The following UBE2R2 variants were observed in gnomAD, a reference collection of about 807,000 sequenced individuals.
UBE2R2 encodes ubiquitin conjugating enzyme E2 R2, also known as ubiquitin-conjugating enzyme E2 R2.
Under a neutral mutation model 27.8 loss-of-function variants are expected in UBE2R2, and 1 was observed. That is an observed-to-expected ratio of 0.04 (90% CI 0.01 to 0.17). The LOEUF (loss-of-function observed/expected upper bound fraction) is 0.17. Ranked by LOEUF, UBE2R2 falls within the 10% of genes least tolerant of loss-of-function variation. The probability of loss-of-function intolerance (pLI) is 1.00; values close to 1 mark genes in which losing one functional copy is unlikely to be tolerated. For missense variants in UBE2R2, 100 were observed against 291.0 expected, an observed-to-expected ratio of 0.34 and a Z score of 4.78; for synonymous variants, 106 against 113.3, an observed-to-expected ratio of 0.94 and a Z score of 0.41.
At chr9:33,864,155 A>G (rs546718284) in intron 1 of UBE2R2, among the ~76,000 whole-genome samples, 1 of 152,238 alleles carries the variant, frequency 6.6e-6, no homozygotes, top group South Asian at 2.1e-4. Context: ...GCTGATGTTC[A>G]TATATGTAAG....
chr9:33,863,647 C>T (rs959347934), intron 1 of UBE2R2, among the ~76,000 whole-genome samples: 1 of 151,908 alleles, frequency 6.6e-6, no homozygotes, highest in African/African-American at 2.4e-5. Context: ...ATATTAAGGA[C>T]ATTCTAATAT....
intron 1 of UBE2R2, among the ~76,000 whole-genome samples, chr9:33,880,558 G>A (rs1387688037): frequency 1.3e-5 from 2 of 152,126 alleles, no homozygotes; most frequent in Non-Finnish European, 1.5e-5. Flanking sequence ...GTATGTCTTG[G>A]TGCGTGTTCT....
At chr9:33,817,959 C>G (rs748876310) in intron 1 of UBE2R2, 25 bp downstream of exon 1, 5 of 1,595,112 alleles carry the variant, frequency 3.1e-6, no homozygotes, top group Admixed American at 3.5e-5. Context: ...CTCCCGGACC[C>G]TGCTTCCGCG....
chr9:33,871,886 A>AT (rs1386083613), intron 1 of UBE2R2, among the ~76,000 whole-genome samples: 1 of 151,604 alleles, frequency 6.6e-6, no homozygotes, highest in Non-Finnish European at 1.5e-5. Flanking sequence ...AATTTTTTGT[A>AT]TTTTTTTAGT....
At chr9:33,839,242 T>G (rs1455650079) in intron 1 of UBE2R2, among the ~76,000 whole-genome samples, 1 of 152,148 alleles carries the variant, frequency 6.6e-6, no homozygotes, top group Non-Finnish European at 1.5e-5. Flanking sequence ...GTTTGTGTTT[T>G]TGTTTTTGTT....
intron 1 of UBE2R2, among the ~76,000 whole-genome samples, chr9:33,833,502 C>T (rs1218224944): frequency 2.0e-5 from 3 of 152,140 alleles, no homozygotes; most frequent in Non-Finnish European, 4.4e-5. Context: ...CTGATATGGT[C>T]GTTTCTTGTA....
At chr9:33,883,658 T>G (rs1468240567) in intron 1 of UBE2R2, among the ~76,000 whole-genome samples, 2 of 141,870 alleles carry the variant, frequency 1.4e-5, no homozygotes, top group Non-Finnish European at 3.0e-5. Flanking sequence ...GAGGTTGCAG[T>G]GAGCCGAGAT....
intron 1 of UBE2R2, among the ~76,000 whole-genome samples, chr9:33,827,680 A>G (rs564642024): frequency 6.6e-6 from 1 of 151,896 alleles, no homozygotes; most frequent in African/African-American, 2.4e-5. Context: ...TAAATTAAAA[A>G]TTAAATCAGG....
intron 1 of UBE2R2, among the ~76,000 whole-genome samples, chr9:33,882,340 G>A (rs1042626595): frequency 6.6e-6 from 1 of 152,162 alleles, no homozygotes; most frequent in Non-Finnish European, 1.5e-5. Context: ...AGGCTGGAGT[G>A]CAGTGGTGCG....
intron 1 of UBE2R2, among the ~76,000 whole-genome samples, chr9:33,818,472 G>A (rs1352510163): frequency 6.7e-6 from 1 of 150,160 alleles, no homozygotes; most frequent in African/African-American, 2.5e-5. Flanking sequence ...TTGGGTAGTG[G>A]TAGTGCCAAC....
chr9:33,889,501 G>A (rs1410907428), intron 2 of UBE2R2, among the ~76,000 whole-genome samples: 1 of 152,024 alleles, frequency 6.6e-6, no homozygotes, highest in Non-Finnish European at 1.5e-5. Context: ...ACCGCACCCG[G>A]CCCTCTCTTG....
At chr9:33,818,126 G>A (rs1170328243) in intron 1 of UBE2R2, among the ~76,000 whole-genome samples, 192 bp downstream of exon 1, 1 of 151,928 alleles carries the variant, frequency 6.6e-6, no homozygotes, top group East Asian at 1.9e-4. Flanking sequence ...TGTCATGGGG[G>A]CGGGGGCTCG....
At chr9:33,877,947 G>T (rs553123240) in intron 1 of UBE2R2, among the ~76,000 whole-genome samples, 1 of 151,972 alleles carries the variant, frequency 6.6e-6, no homozygotes, top group East Asian at 1.9e-4. Flanking sequence ...GTAAGTGATG[G>T]GGTTTCACCA....
intron 2 of UBE2R2, among the ~76,000 whole-genome samples, chr9:33,894,637 C>CA (rs1822061198): frequency 6.6e-6 from 1 of 152,068 alleles, no homozygotes; most frequent in African/African-American, 2.4e-5. Context: ...GTGGCTCACA[C>CA]CTGTAATCTC....
At chr9:33,817,973 G>A in intron 1 of UBE2R2, 39 bp downstream of exon 1, 3 of 1,574,588 alleles carry the variant, frequency 1.9e-6, no homozygotes, top group Non-Finnish European at 2.6e-6. Context: ...TTCCGCGGCC[G>A]AGGCCTCCGG....
chr9:33,830,771 G>A (rs10971724), intron 1 of UBE2R2, among the ~76,000 whole-genome samples: 28,471 of 136,104 alleles, frequency 0.21, 3,237 homozygotes, highest in East Asian at 0.57. Context: ...CCTCTCAAAG[G>A]AAAAAAAAAA....
chr9:33,888,795 G>A (rs1408445306), intron 2 of UBE2R2, among the ~76,000 whole-genome samples: 1 of 152,148 alleles, frequency 6.6e-6, no homozygotes, highest in Non-Finnish European at 1.5e-5. Context: ...GGGATTACAG[G>A]GTAAGCCACC....
chr9:33,826,436 C>T (rs990280830), intron 1 of UBE2R2, among the ~76,000 whole-genome samples: 2 of 152,128 alleles, frequency 1.3e-5, no homozygotes, highest in Non-Finnish European at 2.9e-5. Context: ...TGGTGGCTCA[C>T]GCCTGTAACC....
At chr9:33,816,850 C>A (rs1185461936), upstream of UBE2R2, among the ~76,000 whole-genome samples, 5 of 152,258 alleles carry the variant, frequency 3.3e-5, no homozygotes, top group East Asian at 1.9e-4. Context: ...TTTGGAACTG[C>A]GGCGTCCAGC....
Sources: gnomAD v4.1 joint callset for allele counts (sites outside exome capture counted in the v4.1 genomes callset) on GRCh38, gnomAD v4.1.1 for gene constraint, MANE v1.5 for transcripts, NCBI Gene and HGNC (gene_info 2026-07-23, HGNC 2026-07-21) for gene names.